NFIB: variants seen among roughly 807,000 people sequenced by gnomAD.
The protein encoded by NFIB is nuclear factor I B.
In NFIB, 11 loss-of-function variants were observed where a neutral mutation model predicts 61.5. The ratio of observed to expected loss-of-function variants is 0.18; its 90% CI spans 0.11 to 0.30. The LOEUF is 0.30. Among genes scored for constraint, NFIB ranks in the 10% least tolerant of loss-of-function variants. The pLI, the probability that NFIB is intolerant of heterozygous loss-of-function variation, is 1.00. For missense variants in NFIB, 471 were observed against 608.9 expected, an observed-to-expected ratio of 0.77 and a Z score of 2.38; for synonymous variants, 260 against 216.5, an observed-to-expected ratio of 1.20 and a Z score of -1.76.
chr9:14,204,294 C>G (rs2049379069), intron 2 of NFIB: 1 of 693,596 alleles, frequency 1.4e-6, no homozygotes, highest in Non-Finnish European at 2.6e-6. Flanking sequence ...GCTCCGGCCC[C>G]TGCTGTCTTG....
intron 3 of NFIB, among the ~76,000 whole-genome samples, chr9:14,159,498 C>T (rs894184418): frequency 6.6e-5 from 10 of 152,262 alleles, no homozygotes; most frequent in African/African-American, 2.4e-4. Context: ...CCTATGGGAA[C>T]AGGGACAGGT....
intron 1 of NFIB, among the ~76,000 whole-genome samples, chr9:14,397,528 T>TC (rs1043570185): frequency 2.1e-5 from 3 of 145,216 alleles, no homozygotes; most frequent in Non-Finnish European, 4.4e-5. Flanking sequence ...TATCCCTTTA[T>TC]CCCCCCCAAA....
intron 6 of NFIB, among the ~76,000 whole-genome samples, chr9:14,143,684 C>A (rs2041988976): frequency 6.6e-6 from 1 of 152,046 alleles, no homozygotes; most frequent in Admixed American, 6.6e-5. Flanking sequence ...ATTATAAATA[C>A]AAGACATGTC....
At chr9:14,270,769 G>T (rs1363162447) in intron 2 of NFIB, among the ~76,000 whole-genome samples, 1 of 152,028 alleles carries the variant, frequency 6.6e-6, no homozygotes, top group Non-Finnish European at 1.5e-5. Context: ...ACATATTGAG[G>T]TGACAGGAAA....
At chr9:14,428,040 G>A in the NFIB span, among the ~76,000 whole-genome samples, 1 of 131,824 alleles carries the variant, frequency 7.6e-6, no homozygotes, top group Non-Finnish European at 1.5e-5. Context: ...GACCTCCCCA[G>A]GCTCAGGTGA....
At chr9:14,198,666 C>G (rs2048701134) in intron 2 of NFIB, among the ~76,000 whole-genome samples, 1 of 152,170 alleles carries the variant, frequency 6.6e-6, no homozygotes, top group Non-Finnish European at 1.5e-5. Context: ...GACTGGGACT[C>G]GTACAGCAAT....
intron 6 of NFIB, among the ~76,000 whole-genome samples, chr9:14,135,113 G>A (rs1284555423): frequency 2.6e-5 from 4 of 152,062 alleles, no homozygotes; most frequent in African/African-American, 9.7e-5. Flanking sequence ...TTATCTTTAT[G>A]TGATGAGATT....
chr9:14,423,032 G>T, the NFIB span, among the ~76,000 whole-genome samples: 17 of 152,202 alleles, frequency 1.1e-4, no homozygotes, highest in South Asian at 3.1e-3. Context: ...CAGTTCAAAT[G>T]ATCATTTCTA....
rs1409301137 is a variant in NFIB at position 14,081,986 on chromosome 9, G to C, written c.*6323C>G. On this transcript the variant is annotated 3_prime_UTR_variant, in exon 11 of 11. Coordinates refer to ENST00000380953, the MANE Select transcript of NFIB (RefSeq NM_001190737.2). ...GTAACAATCACATTAAGTCAAGCTT[G>C]ATTTACACCAGTTTAAAACTTGTGG... 9.6e-6 allele frequency: 2 copies of C among 208,682 alleles called. No homozygotes were observed. Among genetic ancestry groups the C allele is most frequent in the African/African-American group, 4.5e-5 (2 of 43,962 alleles). The allele number at this position is 208,682 out of a possible 1,614,324, so 12.9% of individuals were successfully genotyped here.
In NFIB at chr9:14,190,614, A is replaced by G. The variant is rs1231660756; in HGVS notation, c.563-10834T>C. Among the ~76,000 whole-genome samples the G allele has an allele frequency of 2.0e-5, 3 of 152,338 alleles. No individual in the cohort carries two copies. In the East Asian group the frequency reaches 5.8e-4, roughly 29 times the overall value. On this transcript the variant is annotated intron_variant, in intron 2 of 10. Transcript: ENST00000380953. Reference sequence around the variant, plus strand: ...GCATCATTGAACCAACATTTTTGAAAAGGGATAAAATGAGGAAACAAATGA... The same window carrying G: ...GCATCATTGAACCAACATTTTTGAAGAGGGATAAAATGAGGAAACAAATGA...
chr9:14,167,748 G>A (rs2045050345), intron 3 of NFIB, among the ~76,000 whole-genome samples: 1 of 152,144 alleles, frequency 6.6e-6, no homozygotes, highest in Non-Finnish European at 1.5e-5. Context: ...TTGAAGGTAT[G>A]AATTACAACA....
the NFIB span, among the ~76,000 whole-genome samples, chr9:14,482,067 AC>A: frequency 5.8e-5 from 3 of 51,974 alleles, no homozygotes; most frequent in Non-Finnish European, 8.0e-5. Context: ...ACGATGCCCC[AC>A]CCCCCCACCC....
intron 1 of NFIB, among the ~76,000 whole-genome samples, chr9:14,374,027 C>T (rs1192859580): frequency 6.6e-6 from 1 of 152,140 alleles, no homozygotes; most frequent in African/African-American, 2.4e-5. Context: ...CTTTTTATTT[C>T]TCCATGTCCT....
the NFIB span, among the ~76,000 whole-genome samples, chr9:14,480,675 A>G: frequency 6.6e-6 from 1 of 152,194 alleles, no homozygotes; most frequent in African/African-American, 2.4e-5. Context: ...CCACGCTGGC[A>G]AATTCCCAAA....
Position 14,116,313 on chromosome 9 carries a change from G to T in NFIB, c.1279C>A (p.Pro427Thr). The T allele has an allele frequency of 1.3e-6, 2 of 1,533,894 alleles. No individual in the cohort carries two copies. The highest frequency in any genetic ancestry group is 1.8e-6 in the Non-Finnish European group (2 of 1,138,666). The change falls in exon 9 of 11, where the codon CCT becomes ACT. Residue 427 changes from proline (P) to threonine (T), a missense_variant. By Grantham distance (38) the Pro-to-Thr change is conservative. This residue lies in a region of NFIB where 372 missense variants were observed against 395.6 expected (regional missense o/e 0.94). Transcript: ENST00000380953. ...NGSGQVVGKV[P>T]GHFTPVLAPS... ...GCCAAGACAGGAGTGAAATGGCCAGGCACTTTCCCTACTACTTGACCACTG... is the reference window on the plus strand; with the variant it reads ...GCCAAGACAGGAGTGAAATGGCCAGTCACTTTCCCTACTACTTGACCACTG...
chr9:14,091,292 G>T (rs566355326), intron 10 of NFIB, among the ~76,000 whole-genome samples: 2 of 151,674 alleles, frequency 1.3e-5, no homozygotes, highest in African/African-American at 2.4e-5. Flanking sequence ...CAATGACTGA[G>T]ATAACAATGT....
At chr9:14,300,977 C>T (rs1327181650) in intron 2 of NFIB, among the ~76,000 whole-genome samples, 3 of 152,222 alleles carry the variant, frequency 2.0e-5, no homozygotes, top group Non-Finnish European at 4.4e-5. Context: ...AGGATTACAA[C>T]TTTAACTTCC....
the NFIB span, among the ~76,000 whole-genome samples, chr9:14,482,789 A>C: frequency 6.6e-6 from 1 of 152,250 alleles, no homozygotes; most frequent in African/African-American, 2.4e-5. Flanking sequence ...TTGCTATACA[A>C]ACCTCTCTAA....
At chr9:14,097,893 T>TTTTTTTTTTTTTTC (rs2035110751) in intron 10 of NFIB, among the ~76,000 whole-genome samples, 1 of 148,186 alleles carries the variant, frequency 6.7e-6, no homozygotes, top group Non-Finnish European at 1.5e-5. Flanking sequence ...TTTTTTTTTT[T>TTTTTTTTTTTTTTC]GCCCTCCCTC....
Sources: allele counts gnomAD v4.1 joint callset (sites outside exome capture counted in the v4.1 genomes callset), GRCh38; gene constraint gnomAD v4.1.1; regional missense constraint gnomAD v4.1.1; transcripts MANE v1.5; gene names NCBI Gene and HGNC (gene_info 2026-07-23, HGNC 2026-07-21).